The following AGO3 variants were observed in gnomAD, a reference collection of about 807,000 sequenced individuals.
The protein encoded by AGO3 is protein argonaute-3.
AGO3 carries 16 observed loss-of-function variants against 105.5 expected under a neutral mutation model. That is an observed-to-expected ratio of 0.15 (90% confidence interval 0.10 to 0.23). The LOEUF (loss-of-function observed/expected upper bound fraction) is 0.23, where lower values mean the gene tolerates loss of function less well. Among genes scored for constraint, AGO3 ranks in the 10% least tolerant of loss-of-function variants. AGO3 has a pLI of 1.00. For missense variants in AGO3, 534 were observed against 1,088.0 expected, an observed-to-expected ratio of 0.49 and a Z score of 7.16; for synonymous variants, 340 against 367.3, an observed-to-expected ratio of 0.93 and a Z score of 0.85.
chr1:35,986,562 G>A (rs956743136), intron 5 of AGO3, among the ~76,000 whole-genome samples: 1 of 151,876 alleles, frequency 6.6e-6, no homozygotes. Context: ...GGTAGTGCAC[G>A]TCTATAATCC....
At position 36,027,935 on chromosome 1, in the gene AGO3, A is replaced by G. The variant is rs1031988923; in HGVS notation, c.1591+637A>G. Reference sequence around the variant, plus strand: ...CTATCAAATTAAACTGTGTTGCTCAATATTCAGGTACTGCCGGTTCTACTA... The same window carrying G: ...CTATCAAATTAAACTGTGTTGCTCAGTATTCAGGTACTGCCGGTTCTACTA... On this transcript the variant is annotated intron_variant, in intron 12 of 18. Transcript: ENST00000373191. This position sits in a 1 kb window ranked among gnomAD's most constrained non-coding sequence, Gnocchi z 4.0. 2.0e-5 allele frequency among the ~76,000 whole-genome samples: 3 copies of G among 152,228 alleles called. No homozygotes were observed. The highest frequency in any genetic ancestry group is 4.4e-5 in the Non-Finnish European group (3 of 68,038).
chr1:36,008,591 T>C lies in AGO3; in HGVS notation c.794-99T>C. The C allele has an allele frequency of 9.2e-7, 1 of 1,084,164 alleles. No individual in the cohort carries two copies. The allele number at this position is 1,084,164 out of a possible 1,614,324, so 67.2% of individuals were successfully genotyped here. ...TGCCTGTATCACAGAATTTTTTGTC[T>C]GTTCAGAATTGAGTTTTTATGGTAA... On this transcript the variant is annotated intron_variant, in intron 6 of 18. Transcript: ENST00000373191. This position sits in a 1 kb window ranked among gnomAD's most constrained non-coding sequence, Gnocchi z 5.1.
intron 17 of AGO3, among the ~76,000 whole-genome samples, chr1:36,045,437 G>A (rs1289119822): frequency 6.6e-6 from 1 of 151,922 alleles, no homozygotes; most frequent in African/African-American, 2.4e-5. Context: ...GGCCAGGCTG[G>A]TGTCGAACTC....
intron 2 of AGO3, among the ~76,000 whole-genome samples, chr1:35,966,315 C>T (rs1031922902): frequency 2.6e-4 from 40 of 152,048 alleles, no homozygotes; most frequent in African/African-American, 7.0e-4. Flanking sequence ...ACAAAAAATA[C>T]GTATTGATTT....
intron 11 of AGO3, among the ~76,000 whole-genome samples, chr1:36,014,968 G>A (rs1389987330): frequency 3.3e-5 from 5 of 152,022 alleles, no homozygotes; most frequent in African/African-American, 1.2e-4. Context: ...TGTGGGGAGG[G>A]TTTCCCCACA....
intron 5 of AGO3, among the ~76,000 whole-genome samples, chr1:36,003,728 A>G (rs1317330888): frequency 7.0e-6 from 1 of 142,948 alleles, no homozygotes; most frequent in Non-Finnish European, 1.5e-5. Flanking sequence ...ATATATATAT[A>G]TATATATATA....
intron 11 of AGO3, among the ~76,000 whole-genome samples, chr1:36,022,920 T>TCAAAAAAAAAAA (rs147479978): frequency 1.6e-5 from 2 of 124,656 alleles, no homozygotes; most frequent in African/African-American, 3.4e-5. Flanking sequence ...AGACTCCGTC[T>TCAAAAAAAAAAA]CAAAAAAAAA....
Position 36,008,625 on chromosome 1 carries a change from C to A in AGO3, c.794-65C>A. ...TTGAGTTTTTATGGTAATGAACAGGCTTTATAAGTATAAATATTTTACATG... is the reference window on the plus strand; with the variant it reads ...TTGAGTTTTTATGGTAATGAACAGGATTTATAAGTATAAATATTTTACATG... On this transcript the variant is annotated intron_variant, in intron 6 of 18. Transcript: ENST00000373191. The surrounding 1 kb of genome is among the most constrained non-coding windows in gnomAD (Gnocchi z 5.1). 5 of 1,495,568 alleles carry A rather than the reference C, an allele frequency of 3.3e-6. No homozygotes were observed. The highest frequency in any genetic ancestry group is 4.6e-6 in the Non-Finnish European group (5 of 1,081,824). The allele number at this position is 1,495,568 out of a possible 1,614,324, so 92.6% of individuals were successfully genotyped here.
intron 11 of AGO3, among the ~76,000 whole-genome samples, chr1:36,015,927 T>G (rs1209080508): frequency 6.6e-6 from 1 of 152,156 alleles, no homozygotes; most frequent in African/African-American, 2.4e-5. Context: ...GATTTGCAAA[T>G]CAGGCAGCTC....
At chr1:35,962,975 C>A (rs1646705871) in intron 2 of AGO3, among the ~76,000 whole-genome samples, 1 of 152,096 alleles carries the variant, frequency 6.6e-6, no homozygotes, top group Admixed American at 6.6e-5. Context: ...ATTAGGCTAA[C>A]AAAAATTAGA....
intron 1 of AGO3, among the ~76,000 whole-genome samples, chr1:35,933,176 G>GT (rs1646085915): frequency 2.0e-5 from 3 of 152,062 alleles, no homozygotes; most frequent in South Asian, 4.1e-4. Flanking sequence ...GAAAAGTAAA[G>GT]TTTTTTCTTC....
At position 36,034,179 on chromosome 1, in the gene AGO3, G is replaced by A; in HGVS notation, c.1597G>A (p.Val533Met). ...GTTTTGCATCTATTCCATAGCGGAA[G>A]TGAAACGTGTAGGAGACACACTTTT... Reference protein sequence around the residue: ...LPGKTPVYAEVKRVGDTLLGM... With the variant: ...LPGKTPVYAEMKRVGDTLLGM... The change falls in exon 13 of 19, where the codon GTG (valine) becomes ATG (methionine). Residue 533 changes from valine to methionine, a missense_variant. Val to Met is a conservative substitution (Grantham distance 21). Coordinates refer to ENST00000373191, the MANE Select transcript of AGO3 (RefSeq NM_024852.4). 6.5e-7 allele frequency: 1 copy of A among 1,539,276 alleles called. No individual in the cohort carries two copies. Among genetic ancestry groups the A allele is most frequent in the Non-Finnish European group, 8.7e-7 (1 of 1,144,082 alleles).
At chr1:36,004,152 G>A in intron 5 of AGO3, 189 bp from the exon 6 acceptor site, 1 of 475,216 alleles carries the variant, frequency 2.1e-6, no homozygotes, top group Non-Finnish European at 3.7e-6. Flanking sequence ...AAAAACTGTA[G>A]TATTTGGCCA....
rs532882670 is a variant in AGO3, at chr1:36,026,889, C to CTTGT, written c.1407-224_1407-221dup. Among the ~76,000 whole-genome samples, 17 of 152,304 alleles carry CTTGT rather than the reference C, an allele frequency of 1.1e-4. 1 individual carries two copies. In the South Asian group the frequency reaches 3.5e-3, roughly 32 times the overall value. The stretch of plus-strand genomic sequence containing the variant: ...CCAGCATATACTATTAGTAATGCTC[C>CTTGT]TTGTAAACTACAGAATGCCGTATAA... On this transcript the variant is annotated intron_variant, in intron 11 of 18. Coordinates refer to ENST00000373191, the MANE Select transcript of AGO3 (RefSeq NM_024852.4).
At chr1:36,029,174 ACAGT>A (rs1641649625) in intron 12 of AGO3, among the ~76,000 whole-genome samples, 1 of 152,192 alleles carries the variant, frequency 6.6e-6, no homozygotes, top group Non-Finnish European at 1.5e-5. Context: ...CATATAGTAA[ACAGT>A]CAATGTTAAC....
chr1:36,017,847 G>T (rs1053667822), intron 11 of AGO3, among the ~76,000 whole-genome samples: 7 of 151,960 alleles, frequency 4.6e-5, no homozygotes, highest in African/African-American at 1.4e-4. Context: ...AGGTTGCAGT[G>T]AGCCGAGATC....
intron 2 of AGO3, among the ~76,000 whole-genome samples, chr1:35,966,551 A>G (rs1411511014): frequency 1.3e-5 from 2 of 152,222 alleles, no homozygotes; most frequent in Non-Finnish European, 1.5e-5. Context: ...TATAATCATT[A>G]TAATAGACAA....
chr1:35,972,722 A>G (rs1646889926), intron 4 of AGO3, among the ~76,000 whole-genome samples: 1 of 151,980 alleles, frequency 6.6e-6, no homozygotes, highest in Non-Finnish European at 1.5e-5. Flanking sequence ...TCTGTCACCC[A>G]GGCTGTAGTG....
At chr1:36,040,502 G>A (rs191778652) in intron 16 of AGO3, 61 bp downstream of exon 16, 2 of 1,573,946 alleles carry the variant, frequency 1.3e-6, no homozygotes, top group East Asian at 2.2e-5. Flanking sequence ...AGTTCATAGA[G>A]CATTCAACAA....
Sources: gnomAD v4.1 joint callset for allele counts (sites outside exome capture counted in the v4.1 genomes callset) on GRCh38, gnomAD v4.1.1 for gene constraint, Gnocchi (gnomAD v3.1) non-coding constraint, MANE v1.5 for transcripts, NCBI Gene and HGNC (gene_info 2026-07-23, HGNC 2026-07-21) for gene names.